PCSK7: variants seen among roughly 807,000 people sequenced by gnomAD.
PCSK7 encodes the protein lymphoma proprotein convertase.
PCSK7 carries 38 observed loss-of-function variants against 73.3 expected under a neutral mutation model. The observed-to-expected ratio is 0.52, with a 90% CI of 0.40 to 0.68. The LOEUF is 0.68. Among genes scored for constraint, PCSK7 ranks in the 30% least tolerant of loss-of-function variants. The pLI is 0.00. For missense variants in PCSK7, 692 were observed against 991.5 expected (o/e 0.70, Z 4.06); for synonymous variants, 296 against 383.8 (o/e 0.77, Z 2.68).
chr11:117,230,224 A>G (rs2032592005), intron 2 of PCSK7, 125 bp downstream of exon 2: 1 of 198,998 alleles, frequency 5.0e-6, no homozygotes, highest in Admixed American at 5.6e-5. Context: ...CTGCATCGTG[A>G]CTGTTCTTTA....
chr11:117,229,287 G>T, intron 3 of PCSK7, 90 bp downstream of exon 3: 1 of 966,266 alleles, frequency 1.0e-6, no homozygotes, highest in South Asian at 1.5e-5. Context: ...AAGGATGGAG[G>T]TGACTGAAGA....
intron 10 of PCSK7, 59 bp from the exon 11 acceptor site, chr11:117,219,223 G>T: frequency 1.6e-6 from 2 of 1,249,290 alleles, no homozygotes; most frequent in Non-Finnish European, 2.3e-6. Context: ...TCAACAATCT[G>T]ACTCTGGTTT....
chr11:117,223,187 G>C, intron 9 of PCSK7, 21 bp downstream of exon 9: 1 of 1,461,960 alleles, frequency 6.8e-7, no homozygotes, highest in Non-Finnish European at 9.6e-7. Flanking sequence ...GCAGGCCGTG[G>C]AGGGCCCGGG....
chr11:117,224,692 GC>G lies in PCSK7; in HGVS notation c.915+8del. On this transcript the variant is annotated splice_region_variant and intron_variant, in intron 7 of 16. Coordinates refer to ENST00000320934, the MANE Select transcript of PCSK7 (RefSeq NM_004716.4). ...CCCGTTTCTCAGAGTCTTTGTGCAG[GC>G]CAGTTACCTTTCCAAGCTGATGGGG... 6.2e-7 allele frequency: 1 copy of G among 1,608,712 alleles called. No homozygotes were observed. Among genetic ancestry groups the G allele is most frequent in the Admixed American group, 1.7e-5 (1 of 60,016 alleles).
intron 1 of PCSK7, among the ~76,000 whole-genome samples, chr11:117,230,764 A>C (rs2032619324): frequency 6.6e-6 from 1 of 152,206 alleles, no homozygotes; most frequent in African/African-American, 2.4e-5. Context: ...ACGTCCTAGA[A>C]GTCCAGGTGG....
chr11:117,226,284 T>C, intron 5 of PCSK7: 1 of 469,542 alleles, frequency 2.1e-6, no homozygotes, highest in Non-Finnish European at 3.9e-6. Flanking sequence ...TACAGGCGCA[T>C]GCCACCACAC....
Position 117,204,806 on chromosome 11 carries a change from G to C in PCSK7, c.*1191C>G, listed in dbSNP as rs988489746. ...AATCTTTTCTCAGGCCTGGCTGGCA[G>C]AGTTTGATTTGCCCTGGTCACTTTT... is the stretch of plus-strand genomic sequence containing the variant. On this transcript the variant is annotated 3_prime_UTR_variant, in exon 17 of 17. Coordinates refer to ENST00000320934, the MANE Select transcript of PCSK7 (RefSeq NM_004716.4). The C allele has an allele frequency of 3.2e-6, 1 of 308,878 alleles. No individual in the cohort carries two copies. The highest frequency in any genetic ancestry group is 2.1e-5 in the African/African-American group (1 of 46,732). The allele number at this position is 308,878 out of a possible 1,614,324, so 19.1% of individuals were successfully genotyped here.
At position 117,206,050 on chromosome 11, in the gene PCSK7, A is replaced by G. The variant is rs1172535668; in HGVS notation, c.2305T>C (p.Cys769Arg). 1 of 1,368,434 alleles carries G rather than the reference A, an allele frequency of 7.3e-7. No homozygotes were observed. The allele number at this position is 1,368,434 out of a possible 1,614,324, so 84.8% of individuals were successfully genotyped here. The change falls in exon 17 of 17, where the codon TGC (cysteine) becomes CGC (arginine). Residue 769 changes from cysteine (C) to arginine (R), a missense_variant. Coordinates refer to ENST00000320934, the MANE Select transcript of PCSK7 (RefSeq NM_004716.4). ...GGTACGTCTAGGTGCTGATGAGGGC[A>G]GTCCAGGGCGCTCTTGTTCTGGGAC... ...SLSQNKSALD[C>R]PHQHLDVPHG...
chr11:117,224,981 T>C lies in PCSK7; in HGVS notation c.861-226A>G. 18 of 512,282 alleles carry C rather than the reference T, an allele frequency of 3.5e-5. No individual in the cohort carries two copies. The South Asian group carries it at 3.6e-4, about 10-fold the overall frequency. 31.7% of individuals were successfully genotyped at this position (512,282 alleles called of 1,614,324 possible). A position where few individuals can be genotyped will look rare whatever the true frequency, so the allele number is the denominator to read the frequency against. On this transcript the variant is annotated intron_variant, in intron 6 of 16. Transcript: ENST00000320934. ...AAGGCTCTTCTTTTCCTTGTGAATG[T>C]CCCCATAGCCCATAGTGGCAGAGAG... is the stretch of plus-strand genomic sequence containing the variant.
intron 2 of PCSK7, 77 bp from the exon 3 acceptor site, chr11:117,229,933 C>A: frequency 1.2e-6 from 1 of 820,874 alleles, no homozygotes; most frequent in South Asian, 1.8e-5. Context: ...GATGCTGAGC[C>A]ATCCATGTGT....
chr11:117,217,192 T>C (rs1378549860), intron 12 of PCSK7: 1 of 152,188 alleles, frequency 6.6e-6, no homozygotes, highest in Non-Finnish European at 1.5e-5. Context: ...ATGCCTAGGG[T>C]AGACATTCCG....
rs1443607734 is a variant in PCSK7 at position 117,229,630 on chromosome 11, T to G, written c.215A>C (p.Gln72Pro). The G allele has an allele frequency of 6.2e-7, 1 of 1,614,048 alleles. No individual in the cohort carries two copies. Among genetic ancestry groups the G allele is most frequent in the Non-Finnish European group, 8.5e-7 (1 of 1,179,876 alleles). The change falls in exon 3 of 17, where the codon CAG becomes CCG. Residue 72 changes from glutamine (Q) to proline (P), a missense_variant. This residue lies in a region of PCSK7 where 574 missense variants were observed against 689.8 expected (regional missense o/e 0.83). Transcript: ENST00000320934. ...EGDGEEETLE[Q>P]QADALAQAAG... ...TGCCTGGGCCAAGGCATCCGCCTGC[T>G]GCTCCAGAGTCTCTTCCTCCCCGTC...
At chr11:117,215,122 C>A (rs975377588) in intron 12 of PCSK7, 16 of 152,032 alleles carry the variant, frequency 1.1e-4, no homozygotes, top group African/African-American at 2.7e-4. Flanking sequence ...AATATGGTAG[C>A]CCTTAGCCAC....
intron 3 of PCSK7, among the ~76,000 whole-genome samples, chr11:117,228,612 C>CTT (rs751494008): frequency 1.1e-4 from 15 of 132,116 alleles, no homozygotes; most frequent in East Asian, 2.2e-4. Flanking sequence ...TGATACACTT[C>CTT]TTTTTTTTTT....
chr11:117,225,752 CTTAAGG>C, intron 6 of PCSK7, 173 bp downstream of exon 6: 2 of 623,822 alleles, frequency 3.2e-6, no homozygotes, highest in Non-Finnish European at 5.8e-6. Context: ...GTGACGGGGG[CTTAAGG>C]TTGAGTGCCC....
chr11:117,210,194 G>C (rs1327028312), intron 12 of PCSK7: 5 of 152,244 alleles, frequency 3.3e-5, no homozygotes, highest in Non-Finnish European at 5.9e-5. Flanking sequence ...CTTTAATTGT[G>C]TGAAACATTA....
At chr11:117,228,937 T>A (rs2032535277) in intron 3 of PCSK7, among the ~76,000 whole-genome samples, 1 of 152,222 alleles carries the variant, frequency 6.6e-6, no homozygotes, top group Non-Finnish European at 1.5e-5. Flanking sequence ...ACACCTCTTA[T>A]GCCAATGGTA....
intron 12 of PCSK7, chr11:117,212,936 G>C (rs1030239725): frequency 1.3e-5 from 2 of 151,722 alleles, no homozygotes; most frequent in Admixed American, 6.6e-5. Context: ...GGCTGGTCTC[G>C]AACTCATGAG....
rs1033106636 is a variant in PCSK7 at position 117,219,751 on chromosome 11, G to C, written c.1163C>G (p.Thr388Ser). The change falls in exon 10 of 17, where the codon ACT becomes AGT. Residue 388 changes from threonine to serine, a missense_variant. Transcript: ENST00000320934. ...GDKMLRSIVT[T>S]DWDLQKGTGC... is the part of the protein sequence containing the mutation. ...AGTGCCCTTCTGAAGGTCCCAGTCA[G>C]TGGTCACCTGGAAGTGAAACAGGAA... 3.2e-6 allele frequency: 5 copies of C among 1,575,588 alleles called. No individual in the cohort carries two copies. In the African/African-American group the frequency reaches 6.9e-5, roughly 22 times the overall value.
Sources: gnomAD v4.1 joint callset for allele counts (sites outside exome capture counted in the v4.1 genomes callset) on GRCh38, gnomAD v4.1.1 for gene constraint, gnomAD v4.1.1 regional missense constraint, MANE v1.5 for transcripts, NCBI Gene and HGNC (gene_info 2026-07-23, HGNC 2026-07-21) for gene names.